Variants in KCNQ5 observed in about 807,000 individuals in gnomAD.
KCNQ5 encodes potassium voltage-gated channel subfamily KQT member 5.
KCNQ5 carries 30 observed loss-of-function variants against 98.2 expected under a neutral mutation model. The ratio of observed to expected loss-of-function variants is 0.31; its 90% CI spans 0.23 to 0.41. KCNQ5 has a LOEUF of 0.41. Ranked by LOEUF, KCNQ5 falls within the 10% of genes least tolerant of loss-of-function variation. The probability of loss-of-function intolerance (pLI) is 1.00; values close to 1 mark genes in which losing one functional copy is unlikely to be tolerated. For synonymous variants in KCNQ5, 458 were observed against 449.4 expected (o/e 1.02, Z -0.24); for missense variants, 835 against 1,182.5 (o/e 0.71, Z 4.31).
chr6:73,042,154 T>G (rs1251142767), intron 3 of KCNQ5, 92 bp downstream of exon 3: 1 of 1,471,022 alleles, frequency 6.8e-7, no homozygotes, highest in Non-Finnish European at 9.5e-7. Context: ...TATTAAAAGC[T>G]AACATCCATG....
chr6:72,790,531 A>G (rs780554626), intron 1 of KCNQ5, among the ~76,000 whole-genome samples: 6 of 152,170 alleles, frequency 3.9e-5, no homozygotes, highest in African/African-American at 7.2e-5. Context: ...GGTTCTTCAC[A>G]GAGAAGTGGG....
At chr6:73,038,290 G>C (rs968505900) in intron 2 of KCNQ5, among the ~76,000 whole-genome samples, 2 of 151,930 alleles carry the variant, frequency 1.3e-5, no homozygotes, top group African/African-American at 4.8e-5. Flanking sequence ...GGATTTTTCT[G>C]TAGACCATCA....
rs565466363 is a variant in KCNQ5 at position 73,146,287 on chromosome 6, A to G, written c.1468+12646A>G. Among the ~76,000 whole-genome samples the G allele has an allele frequency of 1.4e-3, 210 of 152,238 alleles. 1 individual carries two copies. The highest frequency in any genetic ancestry group is 4.9e-3 in the African/African-American group (205 of 41,532). ...TCAGTCATTTTGCCATTGATTCAGAATGTTTCTCCCTAAGATGAAGTACTG... is the reference window on the plus strand; with the variant it reads ...TCAGTCATTTTGCCATTGATTCAGAGTGTTTCTCCCTAAGATGAAGTACTG... On this transcript the variant is annotated intron_variant, in intron 10 of 13. Coordinates refer to ENST00000370398, the MANE Select transcript of KCNQ5 (RefSeq NM_019842.4).
At chr6:73,044,227 C>G (rs1582247480) in intron 3 of KCNQ5, among the ~76,000 whole-genome samples, 1 of 152,172 alleles carries the variant, frequency 6.6e-6, no homozygotes, top group East Asian at 1.9e-4. Context: ...CTGCAGTGAG[C>G]CATGTTCCTG....
intron 1 of KCNQ5, among the ~76,000 whole-genome samples, chr6:72,918,076 G>T (rs1780237879): frequency 6.6e-6 from 1 of 152,110 alleles, no homozygotes; most frequent in Non-Finnish European, 1.5e-5. Context: ...AGGTGTGAGG[G>T]CCAGGGGGAA....
intron 1 of KCNQ5, among the ~76,000 whole-genome samples, chr6:72,875,131 A>C (rs1245220359): frequency 6.6e-6 from 1 of 152,188 alleles, no homozygotes; most frequent in Non-Finnish European, 1.5e-5. Flanking sequence ...AGTGATGATT[A>C]AAGTAGTTAA....
intron 1 of KCNQ5, among the ~76,000 whole-genome samples, chr6:72,947,807 T>C (rs143254766): frequency 2.0e-5 from 3 of 152,282 alleles, no homozygotes; most frequent in African/African-American, 4.8e-5. Context: ...AAAGAGGACA[T>C]ATCTATTTGG....
At chr6:72,922,517 C>A (rs934570713) in intron 1 of KCNQ5, among the ~76,000 whole-genome samples, 1 of 152,164 alleles carries the variant, frequency 6.6e-6, no homozygotes, top group Non-Finnish European at 1.5e-5. Context: ...TGAGTTTATT[C>A]CTCCTGTCTA....
chr6:72,631,343 A>G (rs1203584821), intron 1 of KCNQ5, among the ~76,000 whole-genome samples: 1 of 152,192 alleles, frequency 6.6e-6, no homozygotes, highest in Non-Finnish European at 1.5e-5. Flanking sequence ...ATAAAGATAA[A>G]GGGTAGGAGG....
At position 72,936,608 on chromosome 6, in the gene KCNQ5, A is replaced by G. The variant is rs552332874; in HGVS notation, c.399-67300A>G. On this transcript the variant is annotated intron_variant, in intron 1 of 13. Transcript: ENST00000370398. ...AAAATGCATCACATGCAAAGTTTTA[A>G]ATATATAAATGTATCATTTTTCCAA... Among the ~76,000 whole-genome samples, 10 of 152,348 alleles carry G rather than the reference A, an allele frequency of 6.6e-5. No homozygotes were observed. The East Asian group carries it at 1.9e-3, about 29-fold the overall frequency.
chr6:73,171,971 T>C (rs1778032087), intron 11 of KCNQ5, among the ~76,000 whole-genome samples: 1 of 152,196 alleles, frequency 6.6e-6, no homozygotes, highest in African/African-American at 2.4e-5. Flanking sequence ...AGAAAGAAAA[T>C]GAAATAGGTT....
At chr6:73,171,126 A>C (rs539465476) in intron 11 of KCNQ5, among the ~76,000 whole-genome samples, 1 of 152,182 alleles carries the variant, frequency 6.6e-6, no homozygotes, top group Non-Finnish European at 1.5e-5. Flanking sequence ...AAAGATTTTC[A>C]TAAATGTTTG....
At chr6:73,015,680 C>G (rs1294096044) in intron 2 of KCNQ5, among the ~76,000 whole-genome samples, 1 of 152,074 alleles carries the variant, frequency 6.6e-6, no homozygotes, top group Admixed American at 6.6e-5. Context: ...ATGTTTAGCT[C>G]TTATGCCCTT....
chr6:73,086,663 ATGT>A (rs750896541), intron 5 of KCNQ5, among the ~76,000 whole-genome samples: 3 of 152,212 alleles, frequency 2.0e-5, no homozygotes, highest in Non-Finnish European at 4.4e-5. Flanking sequence ...ATTATGCTAG[ATGT>A]TGGGGAAATA....
chr6:72,866,269 T>TC (rs1324632804), intron 1 of KCNQ5, among the ~76,000 whole-genome samples: 2 of 149,894 alleles, frequency 1.3e-5, no homozygotes, highest in African/African-American at 4.9e-5. Context: ...TTTTTTTTTT[T>TC]TTTTGAAACG....
intron 3 of KCNQ5, among the ~76,000 whole-genome samples, chr6:73,051,412 G>A (rs1562148628): frequency 2.6e-5 from 4 of 152,162 alleles, no homozygotes; most frequent in African/African-American, 9.7e-5. Flanking sequence ...TTACAAATGA[G>A]CACAGATCCT....
intron 1 of KCNQ5, among the ~76,000 whole-genome samples, chr6:72,799,201 C>A (rs1002942473): frequency 6.6e-6 from 1 of 152,150 alleles, no homozygotes; most frequent in Non-Finnish European, 1.5e-5. Flanking sequence ...AGACCGGAAA[C>A]TCAGGCAGGA....
At chr6:73,174,434 T>C (rs1778137586) in intron 11 of KCNQ5, among the ~76,000 whole-genome samples, 1 of 152,228 alleles carries the variant, frequency 6.6e-6, no homozygotes, top group Non-Finnish European at 1.5e-5. Context: ...TGCCTTGCTC[T>C]TACCGTCTCT....
In KCNQ5 at chr6:73,097,203, T is replaced by G. The variant is rs937071663; in HGVS notation, c.919-8054T>G. Among the ~76,000 whole-genome samples, 9 of 146,620 alleles carry G rather than the reference T, an allele frequency of 6.1e-5. No homozygotes were observed. In the East Asian group the frequency reaches 1.4e-3, roughly 23 times the overall value. ...TTGTTCCTGTTTAACTGAGGCTTTG[T>G]GTCCTTTGACCATCATCTCCCCATT... On this transcript the variant is annotated intron_variant, in intron 5 of 13. Transcript: ENST00000370398.
Sources: allele counts gnomAD v4.1 joint callset (sites outside exome capture counted in the v4.1 genomes callset), GRCh38; gene constraint gnomAD v4.1.1; transcripts MANE v1.5; gene names NCBI Gene and HGNC (gene_info 2026-07-23, HGNC 2026-07-21).